The following SYCP3 variants were observed in gnomAD, a reference collection of about 807,000 sequenced individuals.
SYCP3 encodes the protein synaptonemal complex protein 3.
Under a neutral mutation model 38.5 loss-of-function variants are expected in SYCP3, and 29 were observed. The ratio of observed to expected loss-of-function variants is 0.75; its 90% CI spans 0.56 to 1.03. SYCP3 has a LOEUF of 1.03. SYCP3 is among the 50% of genes least tolerant of loss of function. The pLI, the probability that SYCP3 is intolerant of heterozygous loss-of-function variation, is 0.00. For missense variants in SYCP3, 242 were observed against 270.7 expected (o/e 0.89, Z 0.74); for synonymous variants, 79 against 80.3 (o/e 0.98, Z 0.08).
chr12:101,739,423 CG>C lies in SYCP3; in HGVS notation c.-91del. 14 of 1,002,766 alleles carry C rather than the reference CG, an allele frequency of 1.4e-5. No individual in the cohort carries two copies. The highest frequency in any genetic ancestry group is 1.6e-5 in the Non-Finnish European group (13 of 830,362). 62.1% of individuals were successfully genotyped at this position (1,002,766 alleles called of 1,614,324 possible). A position where few individuals can be genotyped will look rare whatever the true frequency, so the allele number is the denominator to read the frequency against. On this transcript the variant is annotated 5_prime_UTR_variant, in exon 1 of 9. Coordinates refer to ENST00000392924, the MANE Select transcript of SYCP3 (RefSeq NM_001177949.2). ...GCGTCCTCCACAACTCCTCCACAAG[CG>C]CGCTTCACCTGAGGTGGCCCCTTCT...
chr12:101,737,188 G>T (rs1211692887), intron 3 of SYCP3, 44 bp downstream of exon 3: 1 of 1,604,482 alleles, frequency 6.2e-7, no homozygotes, highest in Admixed American at 1.7e-5. Flanking sequence ...AACTTTTCTT[G>T]AAGTGCTTTA....
chr12:101,732,382 T>A (rs1425369826), intron 6 of SYCP3: 1 of 152,204 alleles, frequency 6.6e-6, no homozygotes, highest in African/African-American at 2.4e-5. Flanking sequence ...ATATCCTCAC[T>A]TGCAGGTAAC....
At chr12:101,734,293 G>GT in intron 5 of SYCP3, among the ~76,000 whole-genome samples, 1 of 152,268 alleles carries the variant, frequency 6.6e-6, no homozygotes, top group African/African-American at 2.4e-5. Flanking sequence ...GGGCATGGTG[G>GT]TTCATGCCTA....
intron 4 of SYCP3, among the ~76,000 whole-genome samples, chr12:101,735,871 A>ATATATATATATATATATATTTTTTT: frequency 2.3e-4 from 17 of 74,748 alleles, no homozygotes; most frequent in African/African-American, 6.9e-4. Context: ...ATATATATAT[A>ATATATATATATATATATATTTTTTT]TTTTTTTTTT....
At position 101,739,333 on chromosome 12, in the gene SYCP3, C is replaced by G; in HGVS notation, c.-18+18G>C. On this transcript the variant is annotated intron_variant, in intron 1 of 8. Transcript: ENST00000392924. ...GGCCTGGACACCTGCGATAGACAGA[C>G]GCCTCCCCTGCTCACACCTGAAACA... The G allele has an allele frequency of 1.0e-6, 1 of 1,002,836 alleles. No homozygotes were observed. The highest frequency in any genetic ancestry group is 4.7e-5 in the South Asian group (1 of 21,386). The allele number at this position is 1,002,836 out of a possible 1,614,324, so 62.1% of individuals were successfully genotyped here.
chr12:101,735,871 A>ATATATATATATTTTTTTTTT, intron 4 of SYCP3, among the ~76,000 whole-genome samples: 12 of 74,780 alleles, frequency 1.6e-4, no homozygotes, highest in African/African-American at 6.9e-4. Context: ...ATATATATAT[A>ATATATATATATTTTTTTTTT]TTTTTTTTTT....
chr12:101,729,383 G>GA (rs1952083794), intron 7 of SYCP3, 170 bp from the exon 8 acceptor site: 2 of 659,702 alleles, frequency 3.0e-6, no homozygotes, highest in Admixed American at 3.1e-5. Flanking sequence ...TACTAAAAAA[G>GA]AAAAAATATA....
intron 1 of SYCP3, among the ~76,000 whole-genome samples, chr12:101,738,551 A>C (rs1005717070): frequency 1.1e-4 from 16 of 152,016 alleles, no homozygotes; most frequent in African/African-American, 3.6e-4. Flanking sequence ...AGCCTGGCCA[A>C]CATGGTGAAA....
intron 6 of SYCP3, 84 bp from the exon 7 acceptor site, chr12:101,731,750 TAAAAG>T (rs1043258052): frequency 2.1e-5 from 20 of 954,386 alleles, no homozygotes; most frequent in African/African-American, 5.0e-5. Flanking sequence ...ACATTAAACT[TAAAAG>T]AAAGTGTTAA....
chr12:101,737,739 G>A, intron 2 of SYCP3, 64 bp downstream of exon 2: 1 of 1,608,600 alleles, frequency 6.2e-7, no homozygotes, highest in South Asian at 1.1e-5. Flanking sequence ...TTGTACGATA[G>A]TCTCAATGGG....
At chr12:101,738,214 A>G (rs1952539126) in intron 1 of SYCP3, among the ~76,000 whole-genome samples, 1 of 152,078 alleles carries the variant, frequency 6.6e-6, no homozygotes, top group East Asian at 1.9e-4. Flanking sequence ...ACCTGAGGTC[A>G]GGAGTTCAAG....
At chr12:101,735,869 A>ATTTTTTTTTT (rs1333301972) in intron 4 of SYCP3, among the ~76,000 whole-genome samples, 2 of 60,120 alleles carry the variant, frequency 3.3e-5, no homozygotes, top group African/African-American at 7.8e-5. Context: ...ATATATATAT[A>ATTTTTTTTTT]TATTTTTTTT....
Position 101,728,882 on chromosome 12 carries a change from A to G in SYCP3, c.*45T>C, listed in dbSNP as rs1473294217. 2 of 1,612,236 alleles carry G rather than the reference A, an allele frequency of 1.2e-6. No homozygotes were observed. The highest frequency in any genetic ancestry group is 4.5e-5 in the East Asian group (2 of 44,706). On this transcript the variant is annotated 3_prime_UTR_variant, in exon 9 of 9. Coordinates refer to ENST00000392924, the MANE Select transcript of SYCP3 (RefSeq NM_001177949.2). The stretch of plus-strand genomic sequence containing the variant: ...AATATGCTTCTTAGCTAACGTTATA[A>G]TTGTATCATATTACTTAGGTTCAAG...
chr12:101,729,562 G>T (rs1447887401), intron 7 of SYCP3: 1 of 207,136 alleles, frequency 4.8e-6, no homozygotes, highest in Non-Finnish European at 9.7e-6. Flanking sequence ...GACTAATAGT[G>T]TGCCATGAAT....
chr12:101,734,414 C>T (rs892373198), intron 5 of SYCP3, among the ~76,000 whole-genome samples: 1 of 151,850 alleles, frequency 6.6e-6, no homozygotes, highest in Non-Finnish European at 1.5e-5. Context: ...CAACAAAAAA[C>T]GAAATTACTT....
At chr12:101,736,394 A>C (rs944091317) in intron 4 of SYCP3, among the ~76,000 whole-genome samples, 5 of 152,142 alleles carry the variant, frequency 3.3e-5, no homozygotes, top group Non-Finnish European at 7.4e-5. Context: ...GGTTTCAAAA[A>C]AGAGTTGACT....
Position 101,733,628 on chromosome 12 carries a change from GA to G in SYCP3, c.399del (p.Gln134SerfsTer5). 2 of 1,612,272 alleles carry G rather than the reference GA, an allele frequency of 1.2e-6. No individual in the cohort carries two copies. Among genetic ancestry groups the G allele is most frequent in the South Asian group, 2.2e-5 (2 of 91,074 alleles). Reference sequence around the variant, plus strand: ...TTCTGCATATCTAAATCCCACTGCTGAAACAAAGTCAGAAACTGCTGAGAAT... The same window carrying G: ...TTCTGCATATCTAAATCCCACTGCTGAACAAAGTCAGAAACTGCTGAGAAT... Reference protein sequence around the residue: ...QEYSQQFLTLFQQWDLDMQKA... With the variant: ...QEYSQQFLTLXQQWDLDMQKA... On this transcript the variant is annotated frameshift_variant, in exon 6 of 9. Transcript: ENST00000392924. LOFTEE classifies it high-confidence loss of function.
At position 101,734,978 on chromosome 12, in the gene SYCP3, T is replaced by C; in HGVS notation, c.302A>G (p.Lys101Arg). 6.2e-7 allele frequency: 1 copy of C among 1,613,918 alleles called. No individual in the cohort carries two copies. The highest frequency in any genetic ancestry group is 8.5e-7 in the Non-Finnish European group (1 of 1,179,862). The change falls in exon 5 of 9, where the codon AAA becomes AGA. Residue 101 changes from lysine (K) to arginine (R), a missense_variant. Transcript: ENST00000392924. ...ATGTTCAATTTTCTGGTTACTAGTT[T>C]TGAGAGAAGCCTTGGTATACATTTC... is the stretch of plus-strand genomic sequence containing the variant. ...RLEMYTKASL[K>R]TSNQKIEHVW...
In SYCP3 at chr12:101,737,799, G is replaced by A. The variant is rs777747399; in HGVS notation, c.133+4C>T. The stretch of plus-strand genomic sequence containing the variant: ...ATCACTGCCCAACATGAGATGTACT[G>A]CACCTTCAATAACATCTTCCTCTGA... On this transcript the variant is annotated splice_donor_region_variant and intron_variant, in intron 2 of 8. Coordinates refer to ENST00000392924, the MANE Select transcript of SYCP3 (RefSeq NM_001177949.2). The A allele has an allele frequency of 6.2e-7, 1 of 1,614,088 alleles. No homozygotes were observed. The highest frequency in any genetic ancestry group is 1.1e-5 in the South Asian group (1 of 91,074).
Sources: gnomAD v4.1 joint callset for allele counts (sites outside exome capture counted in the v4.1 genomes callset) on GRCh38, gnomAD v4.1.1 for gene constraint, MANE v1.5 for transcripts, NCBI Gene and HGNC (gene_info 2026-07-23, HGNC 2026-07-21) for gene names.